The following ZFHX3 variants were observed in gnomAD, a reference collection of about 807,000 sequenced individuals.
ZFHX3 encodes the protein zinc finger homeobox 3.
A neutral mutation model predicts 279.1 loss-of-function variants in ZFHX3; 42 were observed. The observed-to-expected ratio is 0.15, with a 90% CI of 0.12 to 0.19. The LOEUF is 0.19. Among genes scored for constraint, ZFHX3 ranks in the 10% least tolerant of loss-of-function variants. ZFHX3 has a pLI of 1.00. For synonymous variants in ZFHX3, 2,293 were observed against 1,957.8 expected, an observed-to-expected ratio of 1.17 and a Z score of -4.52; for missense variants, 4,981 against 4,754.0, an observed-to-expected ratio of 1.05 and a Z score of -1.40.
chr16:72,787,307 T>G lies in ZFHX3; in HGVS notation c.10969A>C (p.Thr3657Pro). 1 of 1,613,994 alleles carries G rather than the reference T, an allele frequency of 6.2e-7. No homozygotes were observed. The highest frequency in any genetic ancestry group is 8.5e-7 in the Non-Finnish European group (1 of 1,179,982). ...STSGVQPSMPTDDYSEESDTD... is the reference protein window; with the variant it reads ...STSGVQPSMPPDDYSEESDTD... ...TCAGACTCCTCCGAATAGTCGTCTG[T>G]TGGCATCGAGGGCTGAACCCCTGAG... The change falls in exon 10 of 10, where the codon ACA becomes CCA. Residue 3657 changes from threonine to proline, a missense_variant. Thr to Pro is a conservative substitution (Grantham distance 38). This residue lies in a region of ZFHX3 where 1,034 missense variants were observed against 786.0 expected (regional missense o/e 1.32). Transcript: ENST00000268489.
At chr16:73,011,642 T>C (rs1020995094) in intron 1 of ZFHX3, among the ~76,000 whole-genome samples, 6 of 152,006 alleles carry the variant, frequency 3.9e-5, no homozygotes, top group Admixed American at 2.0e-4. Context: ...GAGAATCACT[T>C]GAACCTAGAG....
At chr16:73,699,025 T>C (rs2053223183) in intron 1 of ZFHX3, among the ~76,000 whole-genome samples, 1 of 152,102 alleles carries the variant, frequency 6.6e-6, no homozygotes, top group Non-Finnish European at 1.5e-5. Flanking sequence ...GCTGAGATTA[T>C]AGGCGCCCGC....
intron 1 of ZFHX3, among the ~76,000 whole-genome samples, chr16:73,844,688 C>T (rs537150043): frequency 1.2e-4 from 18 of 151,378 alleles, no homozygotes; most frequent in East Asian, 3.9e-4. Context: ...GATTGACAGA[C>T]GATAGAGAGA....
chr16:73,236,863 T>C (rs1317442555), intron 5 of ZFHX3, among the ~76,000 whole-genome samples: 1 of 152,170 alleles, frequency 6.6e-6, no homozygotes, highest in Non-Finnish European at 1.5e-5. Context: ...AGATCCTGCC[T>C]GTAGTTTGGA....
chr16:73,882,841 A>G (rs2030215842), intron 1 of ZFHX3, among the ~76,000 whole-genome samples: 1 of 152,072 alleles, frequency 6.6e-6, no homozygotes, highest in Non-Finnish European at 1.5e-5. Flanking sequence ...TCAAAGACTT[A>G]AATAATGTAA....
chr16:73,050,504 G>A (rs1042583548), upstream of ZFHX3, among the ~76,000 whole-genome samples: 1 of 152,198 alleles, frequency 6.6e-6, no homozygotes, highest in Non-Finnish European at 1.5e-5. Flanking sequence ...GGAAATGAGG[G>A]ACTACACACA....
chr16:73,780,446 A>G (rs1181524285), intron 1 of ZFHX3, among the ~76,000 whole-genome samples: 1 of 143,640 alleles, frequency 7.0e-6, no homozygotes, highest in Non-Finnish European at 1.5e-5. Context: ...CCGTGCCTGA[A>G]CTTTTTTTTT....
At chr16:72,944,580 T>G (rs1960570643) in intron 3 of ZFHX3, among the ~76,000 whole-genome samples, 2 of 92,488 alleles carry the variant, frequency 2.2e-5, no homozygotes, top group Admixed American at 2.2e-4. Flanking sequence ...CTATGTTACA[T>G]GCAAAAATAA....
intron 5 of ZFHX3, among the ~76,000 whole-genome samples, chr16:73,250,363 C>T (rs117002281): frequency 0.015 from 2,207 of 152,108 alleles, 23 homozygotes; most frequent in Middle Eastern, 0.024. Context: ...ATATTCTAGC[C>T]GTTCAGTTTT....
intron 3 of ZFHX3, among the ~76,000 whole-genome samples, chr16:73,342,543 T>C (rs2143262126): frequency 6.6e-6 from 1 of 152,288 alleles, no homozygotes; most frequent in Admixed American, 6.5e-5. Context: ...TTCCAGGATG[T>C]GTTGAGGGAA....
At chr16:73,717,625 T>C (rs2053428814) in intron 1 of ZFHX3, among the ~76,000 whole-genome samples, 1 of 152,188 alleles carries the variant, frequency 6.6e-6, no homozygotes, top group South Asian at 2.1e-4. Flanking sequence ...AGCAGGTTGC[T>C]AGGCTCCGAG....
chr16:73,382,503 A>G (rs866063883), intron 3 of ZFHX3, among the ~76,000 whole-genome samples: 1 of 152,168 alleles, frequency 6.6e-6, no homozygotes, highest in African/African-American at 2.4e-5. Context: ...CAGCAAGAGA[A>G]TAATATGATT....
intron 5 of ZFHX3, among the ~76,000 whole-genome samples, chr16:73,172,863 C>T (rs141477667): frequency 7.9e-4 from 120 of 151,106 alleles, no homozygotes; most frequent in African/African-American, 2.9e-3. Context: ...CCTTGTTCTT[C>T]AGCTGTGGCC....
chr16:73,331,505 T>C (rs966141538), intron 3 of ZFHX3, among the ~76,000 whole-genome samples: 10 of 152,178 alleles, frequency 6.6e-5, no homozygotes, highest in Admixed American at 6.5e-4. Flanking sequence ...TGTTCTTCTG[T>C]TGCCACAGAA....
chr16:73,009,429 G>C (rs1001947520), intron 1 of ZFHX3, among the ~76,000 whole-genome samples: 2 of 151,652 alleles, frequency 1.3e-5, no homozygotes, highest in African/African-American at 4.9e-5. Context: ...ATGTACTCTT[G>C]GGAGCATTAT....
intron 2 of ZFHX3, chr16:73,500,305 GTTTTTGT>G (rs376015179): frequency 4.5e-5 from 7 of 153,858 alleles, no homozygotes; most frequent in African/African-American, 1.7e-4. Context: ...CCCTACTTGG[GTTTTTGT>G]TTTTTTGTTT....
At chr16:73,093,915 C>T (rs2144781048) in intron 7 of ZFHX3, 1 of 212,366 alleles carries the variant, frequency 4.7e-6, no homozygotes, top group South Asian at 7.4e-5. Flanking sequence ...GTGGTGCAGA[C>T]AGCTTAGCTC....
At chr16:73,338,177 G>A (rs1180967144) in intron 3 of ZFHX3, among the ~76,000 whole-genome samples, 3 of 152,090 alleles carry the variant, frequency 2.0e-5, no homozygotes, top group Non-Finnish European at 4.4e-5. Flanking sequence ...CACTTTAAAT[G>A]TATGACCACA....
At chr16:73,497,092 C>A (rs968995689) in intron 2 of ZFHX3, among the ~76,000 whole-genome samples, 1 of 152,158 alleles carries the variant, frequency 6.6e-6, no homozygotes, top group African/African-American at 2.4e-5. Flanking sequence ...AGTGCCTAAC[C>A]CTTTTAAACT....
Sources: allele counts gnomAD v4.1 joint callset (sites outside exome capture counted in the v4.1 genomes callset), GRCh38; gene constraint gnomAD v4.1.1; regional missense constraint gnomAD v4.1.1; transcripts MANE v1.5; gene names NCBI Gene and HGNC (gene_info 2026-07-23, HGNC 2026-07-21).